Variants in VPS13C observed in about 807,000 individuals in gnomAD.
VPS13C encodes the protein intermembrane lipid transfer protein VPS13C.
Under a neutral mutation model 456.8 loss-of-function variants are expected in VPS13C, and 358 were observed. The ratio of observed to expected loss-of-function variants is 0.78; its 90% CI spans 0.72 to 0.86. VPS13C has a LOEUF of 0.86. Ranked by LOEUF, VPS13C falls within the 40% of genes least tolerant of loss-of-function variation. The pLI is 0.00. For missense variants in VPS13C, 4,818 were observed against 4,385.4 expected (o/e 1.10, Z -2.79); for synonymous variants, 1,578 against 1,486.7 (o/e 1.06, Z -1.41).
At chr15:61,936,240 CTGAG>C (rs1376695339) in intron 48 of VPS13C, among the ~76,000 whole-genome samples, 1 of 152,300 alleles carries the variant, frequency 6.6e-6, no homozygotes, top group East Asian at 1.9e-4. Context: ...GTTCAATCAC[CTGAG>C]TATGACATGT....
At chr15:62,028,158 C>A (rs1013265986) in intron 6 of VPS13C, among the ~76,000 whole-genome samples, 200 bp downstream of exon 6, 2 of 151,960 alleles carry the variant, frequency 1.3e-5, no homozygotes, top group African/African-American at 4.8e-5. Context: ...ACAGTGATTG[C>A]CACAAGACAC....
In VPS13C at chr15:61,942,506, T is replaced by C. The variant is rs1196830810; in HGVS notation, c.5149-439A>G. ...TAGGCCACAGCAATAAAGTTTAGTC[T>C]TAGAAACTAAGCTTCTGCCGGCTTA... On this transcript the variant is annotated intron_variant, in intron 45 of 84. Transcript: ENST00000644861. 2.0e-5 allele frequency among the ~76,000 whole-genome samples: 3 copies of C among 151,522 alleles called. 1 individual carries two copies. The highest frequency in any genetic ancestry group is 4.4e-5 in the Non-Finnish European group (3 of 67,874).
chr15:61,883,008 G>A (rs959060472), intron 68 of VPS13C, among the ~76,000 whole-genome samples: 1 of 151,660 alleles, frequency 6.6e-6, no homozygotes, highest in Non-Finnish European at 1.5e-5. Flanking sequence ...CTCAAGTAAC[G>A]AATAGTTCCA....
At chr15:61,951,092 C>CCAAAT (rs1196538793) in intron 39 of VPS13C, 68 bp from the exon 40 acceptor site, 1 of 973,266 alleles carries the variant, frequency 1.0e-6, no homozygotes, top group Non-Finnish European at 1.5e-6. Flanking sequence ...ACAGGACCAG[C>CCAAAT]CAAATGTACA....
At chr15:61,912,782 T>G (rs2043339957) in intron 62 of VPS13C, among the ~76,000 whole-genome samples, 1 of 114,744 alleles carries the variant, frequency 8.7e-6, no homozygotes, top group Non-Finnish European at 1.8e-5. Flanking sequence ...CCTAATGCTA[T>G]CCCTCCCCCC....
chr15:62,037,575 A>G (rs1773408901), intron 3 of VPS13C, among the ~76,000 whole-genome samples: 1 of 149,394 alleles, frequency 6.7e-6, no homozygotes, highest in Admixed American at 6.8e-5. Context: ...GACACTGGAA[A>G]TACAATTTCA....
Position 61,863,492 on chromosome 15 carries a change from A to G in VPS13C, c.10900T>C (p.Tyr3634His), listed in dbSNP as rs899498650. 6.2e-7 allele frequency: 1 copy of G among 1,613,036 alleles called. No homozygotes were observed. Among genetic ancestry groups the G allele is most frequent in the Non-Finnish European group, 8.5e-7 (1 of 1,179,284 alleles). The change falls in exon 82 of 85, where the codon TAC (tyrosine) becomes CAC (histidine). Residue 3634 changes from tyrosine (Y) to histidine (H), a missense_variant. Physicochemically the swap from Tyr to His is moderately conservative, Grantham distance 83. This residue lies in a region of VPS13C where 261 missense variants were observed against 234.1 expected (regional missense o/e 1.11). Transcript: ENST00000644861. ...IKKLEGETYR[Y>H]HCAIPGSKKT... ...TTGCTTCCAGGAATAGCACAGTGGT[A>G]TCGGTAAGTCTCTCCTTCCAACTTT...
intron 45 of VPS13C, among the ~76,000 whole-genome samples, chr15:61,944,609 G>A (rs1349462284): frequency 6.6e-6 from 1 of 151,914 alleles, no homozygotes; most frequent in Admixed American, 6.6e-5. Context: ...GTAACATTGG[G>A]AAAAAAAGAC....
Position 61,937,721 on chromosome 15 carries a change from G to A in VPS13C, c.5602-971C>T, listed in dbSNP as rs548538071. 9.2e-5 allele frequency among the ~76,000 whole-genome samples: 14 copies of A among 152,216 alleles called. No homozygotes were observed. The South Asian group carries it at 1.2e-3, about 14-fold the overall frequency. ...GATCTCCTGACCTCGTGATCCAACC[G>A]CCTCGGCCTCCCAAAGTGCTGGGAT... On this transcript the variant is annotated intron_variant, in intron 47 of 84. Transcript: ENST00000644861.
intron 62 of VPS13C, among the ~76,000 whole-genome samples, chr15:61,912,874 T>A (rs1403246013): frequency 2.7e-5 from 4 of 146,058 alleles, no homozygotes; most frequent in African/African-American, 5.1e-5. Flanking sequence ...TTCCTACCTA[T>A]GAGTGAGAAC....
At chr15:61,996,998 C>CATATATATATATATATATAT (rs35381809) in intron 16 of VPS13C, among the ~76,000 whole-genome samples, 63 of 145,566 alleles carry the variant, frequency 4.3e-4, no homozygotes, top group African/African-American at 1.5e-3. Flanking sequence ...TACATACATA[C>CATATATATATATATATATAT]ATATATATAT....
At chr15:62,033,385 A>G in intron 5 of VPS13C, 56 bp downstream of exon 5, 1 of 1,181,344 alleles carries the variant, frequency 8.5e-7, no homozygotes, top group African/African-American at 1.6e-5. Flanking sequence ...TTTAAAGGAT[A>G]TTAATTATAT....
In VPS13C at chr15:61,920,242, A is replaced by C; in HGVS notation, c.7302T>G (p.Ile2434Met). The C allele has an allele frequency of 6.2e-7, 1 of 1,613,628 alleles. No individual in the cohort carries two copies. The highest frequency in any genetic ancestry group is 8.5e-7 in the Non-Finnish European group (1 of 1,179,668). ...FTVKNAVGVP[I>M]KVKPNCNLRV... is the part of the protein sequence containing the mutation. ...TGAGATTACAATTGGGCTTCACCTT[A>C]ATGGGAACACCTACAGCATTTTTTA... The change falls in exon 57 of 85, where the codon ATT (isoleucine) becomes ATG (methionine). Residue 2434 changes from isoleucine to methionine, a missense_variant. This residue lies in a region of VPS13C where 4,552 missense variants were observed against 4,130.6 expected (regional missense o/e 1.10). Transcript: ENST00000644861.
chr15:62,051,977 A>G (rs1382248024), intron 1 of VPS13C, among the ~76,000 whole-genome samples: 1 of 152,228 alleles, frequency 6.6e-6, no homozygotes, highest in African/African-American at 2.4e-5. Context: ...TGAAGAAATT[A>G]AAGTCTAAAG....
intron 54 of VPS13C, 38 bp downstream of exon 54, chr15:61,922,359 C>G (rs761235684): frequency 1.9e-6 from 3 of 1,565,496 alleles, no homozygotes; most frequent in Admixed American, 2.0e-5. Flanking sequence ...ATCGCACTTT[C>G]AAGAAGTCTC....
At chr15:61,922,224 T>C (rs572760507) in intron 54 of VPS13C, among the ~76,000 whole-genome samples, 173 bp downstream of exon 54, 2 of 152,316 alleles carry the variant, frequency 1.3e-5, no homozygotes, top group South Asian at 2.1e-4. Context: ...AGCAAATCAA[T>C]CTTTAAAAAA....
At position 61,920,228 on chromosome 15, in the gene VPS13C, T is replaced by C. The variant is rs779407594; in HGVS notation, c.7316A>G (p.Asn2439Ser). The C allele has an allele frequency of 6.8e-6, 11 of 1,613,606 alleles. No individual in the cohort carries two copies. Among genetic ancestry groups the C allele is most frequent in the South Asian group, 4.4e-5 (4 of 91,042 alleles). Residue 2439 changes from asparagine (N) to serine (S), a missense_variant, in exon 57 of 85, where the codon AAT (asparagine) becomes AGT (serine). By Grantham distance (46) the Asn-to-Ser change is conservative. Around this residue, in one of 3 missense-constraint regions of VPS13C, gnomAD observed 4,552 missense variants for 4,130.6 expected, o/e 1.10. Coordinates refer to ENST00000644861, the MANE Select transcript of VPS13C (RefSeq NM_020821.3). ...GAAGCCCATTACTCTGAGATTACAA[T>C]TGGGCTTCACCTTAATGGGAACACC... is the stretch of plus-strand genomic sequence containing the variant. The part of the protein sequence containing the change: ...AVGVPIKVKP[N>S]CNLRVMGFPE...
At position 62,057,224 on chromosome 15, in the gene VPS13C, C is replaced by A. The variant is rs148669945; in HGVS notation, c.100+3051G>T. Among the ~76,000 whole-genome samples the A allele has an allele frequency of 1.4e-4, 21 of 151,880 alleles. No homozygotes were observed. In the East Asian group the frequency reaches 3.9e-3, roughly 28 times the overall value. On this transcript the variant is annotated intron_variant, in intron 1 of 84. Transcript: ENST00000644861. ...CAACAACAACAACAAAAAAAAAACTCTGTGAACTGTAAACCTTATCTGCTA... is the reference window on the plus strand; with the variant it reads ...CAACAACAACAACAAAAAAAAAACTATGTGAACTGTAAACCTTATCTGCTA...
At chr15:61,884,438 A>C (rs1006600594) in intron 67 of VPS13C, among the ~76,000 whole-genome samples, 169 bp from the exon 68 acceptor site, 1 of 152,168 alleles carries the variant, frequency 6.6e-6, no homozygotes, top group Non-Finnish European at 1.5e-5. Flanking sequence ...CAAAAAGAAA[A>C]GAGGCAGGCA....
Sources: allele counts gnomAD v4.1 joint callset (sites outside exome capture counted in the v4.1 genomes callset), GRCh38; gene constraint gnomAD v4.1.1; regional missense constraint gnomAD v4.1.1; transcripts MANE v1.5; gene names NCBI Gene and HGNC (gene_info 2026-07-23, HGNC 2026-07-21).